Variants in CADPS observed in about 807,000 individuals in gnomAD.
The protein encoded by CADPS is calcium-dependent secretion activator 1.
In CADPS, 57 loss-of-function variants were observed where a neutral mutation model predicts 167.3. That is an observed-to-expected ratio of 0.34 (90% CI 0.28 to 0.42). CADPS has a LOEUF of 0.42. Ranked by LOEUF, CADPS falls within the 20% of genes least tolerant of loss-of-function variation. The pLI is 1.00. For missense variants in CADPS, 1,414 were observed against 1,738.1 expected, an observed-to-expected ratio of 0.81 and a Z score of 3.32; for synonymous variants, 676 against 635.3, an observed-to-expected ratio of 1.06 and a Z score of -0.96.
chr3:62,600,901 T>G (rs1253050905), intron 6 of CADPS, among the ~76,000 whole-genome samples: 1 of 152,166 alleles, frequency 6.6e-6, no homozygotes, highest in Non-Finnish European at 1.5e-5. Flanking sequence ...GGTGGATTGC[T>G]TGAGCTCAGG....
intron 3 of CADPS, among the ~76,000 whole-genome samples, chr3:62,671,824 G>A (rs529467003): frequency 5.0e-4 from 76 of 152,232 alleles, no homozygotes; most frequent in African/African-American, 1.6e-3. Flanking sequence ...TGCCAGTGGC[G>A]TGATCTCAGC....
Position 62,525,326 on chromosome 3 carries a change from G to A in CADPS, c.2292-7076C>T, listed in dbSNP as rs142929830. Among the ~76,000 whole-genome samples the A allele has an allele frequency of 2.5e-4, 38 of 152,110 alleles. No individual in the cohort carries two copies. The East Asian group carries it at 5.4e-3, about 22-fold the overall frequency. On this transcript the variant is annotated intron_variant, in intron 13 of 29. Transcript: ENST00000383710. ...GGACATCTGGGATGCCTACTTATAC[G>A]TAAAATTTGTTTGAAAATTTTTCCC...
At chr3:62,725,695 C>A (rs1338730772) in intron 3 of CADPS, among the ~76,000 whole-genome samples, 2 of 151,840 alleles carry the variant, frequency 1.3e-5, no homozygotes, top group Non-Finnish European at 2.9e-5. Context: ...TTAGTTCATA[C>A]TATATGGGAA....
chr3:62,617,718 T>A (rs2149412937), intron 6 of CADPS, among the ~76,000 whole-genome samples: 1 of 152,268 alleles, frequency 6.6e-6, no homozygotes, highest in African/African-American at 2.4e-5. Context: ...ATGGTGTCAG[T>A]TCTTTCCTTT....
chr3:62,850,645 GT>G (rs1388467503), intron 1 of CADPS, among the ~76,000 whole-genome samples: 5 of 150,424 alleles, frequency 3.3e-5, no homozygotes, highest in African/African-American at 1.2e-4. Flanking sequence ...GAGATAGTTT[GT>G]TATAATTTCT....
intron 3 of CADPS, among the ~76,000 whole-genome samples, chr3:62,680,078 C>T (rs1043237494): frequency 6.6e-6 from 1 of 151,826 alleles, no homozygotes; most frequent in Non-Finnish European, 1.5e-5. Context: ...AAGGGAGCAC[C>T]GTAATCAGGT....
chr3:62,421,997 A>G lies in CADPS; in HGVS notation c.3777+16107T>C, dbSNP rs894771666. ...AGCCTCCTTGCCTGGCTAAGCTTAC[A>G]AAGACTGTGCTAAATACATAATAGC... is the stretch of plus-strand genomic sequence containing the variant. On this transcript the variant is annotated intron_variant, in intron 28 of 29. Coordinates refer to ENST00000383710, the MANE Select transcript of CADPS (RefSeq NM_003716.4). The surrounding 1 kb of genome is among the most constrained non-coding windows in gnomAD (Gnocchi z 4.7). 3.9e-5 allele frequency among the ~76,000 whole-genome samples: 6 copies of G among 152,368 alleles called. No individual in the cohort carries two copies. Among genetic ancestry groups the G allele is most frequent in the African/African-American group, 1.4e-4 (6 of 41,582 alleles).
chr3:62,482,406 C>T (rs995769509), intron 21 of CADPS, among the ~76,000 whole-genome samples: 1 of 152,224 alleles, frequency 6.6e-6, no homozygotes, highest in Non-Finnish European at 1.5e-5. Flanking sequence ...AGAAACCAAG[C>T]TCTTTCTAAC....
At chr3:62,761,168 T>C (rs185823460) in intron 2 of CADPS, among the ~76,000 whole-genome samples, 55 of 152,286 alleles carry the variant, frequency 3.6e-4, no homozygotes, top group African/African-American at 1.3e-3. Context: ...AGCTGTTTCT[T>C]CTGATAACAA....
chr3:62,813,328 G>A (rs2094470259), intron 1 of CADPS, among the ~76,000 whole-genome samples: 1 of 152,020 alleles, frequency 6.6e-6, no homozygotes, highest in African/African-American at 2.4e-5. Flanking sequence ...ACAAGCATCT[G>A]ATCTTCAACA....
At chr3:62,631,534 T>C (rs904781369) in intron 6 of CADPS, among the ~76,000 whole-genome samples, 1 of 152,218 alleles carries the variant, frequency 6.6e-6, no homozygotes. Flanking sequence ...CCTGCACAAA[T>C]ATAACTAAGA....
intron 1 of CADPS, among the ~76,000 whole-genome samples, chr3:62,803,616 C>T (rs2093914121): frequency 6.6e-6 from 1 of 152,074 alleles, no homozygotes; most frequent in Non-Finnish European, 1.5e-5. Context: ...CTTGTGCCTC[C>T]ACTTTTCATC....
At chr3:62,698,125 G>A (rs1282201974) in intron 3 of CADPS, among the ~76,000 whole-genome samples, 1 of 151,964 alleles carries the variant, frequency 6.6e-6, no homozygotes, top group Non-Finnish European at 1.5e-5. Flanking sequence ...GGATGCTGTA[G>A]CATCACCCAC....
At chr3:62,537,561 T>C (rs2074929276) in intron 11 of CADPS, among the ~76,000 whole-genome samples, 2 of 152,152 alleles carry the variant, frequency 1.3e-5, no homozygotes, top group South Asian at 4.1e-4. Flanking sequence ...AGAAAAAGAA[T>C]CTTCTATCAA....
chr3:62,823,099 T>A (rs899161574), intron 1 of CADPS, among the ~76,000 whole-genome samples: 1 of 152,176 alleles, frequency 6.6e-6, no homozygotes. Flanking sequence ...TCCAAGAATA[T>A]CTATTATCTT....
At chr3:62,620,009 G>A (rs552829582) in intron 6 of CADPS, among the ~76,000 whole-genome samples, 2 of 152,096 alleles carry the variant, frequency 1.3e-5, no homozygotes, top group Admixed American at 1.3e-4. Context: ...ACTGCTCTGT[G>A]TGGTTGGAGC....
intron 3 of CADPS, among the ~76,000 whole-genome samples, chr3:62,728,494 C>T (rs2077160324): frequency 2.0e-5 from 3 of 151,786 alleles, no homozygotes; most frequent in South Asian, 4.1e-4. Flanking sequence ...TCTTCATTTC[C>T]TTAACTTTCC....
intron 23 of CADPS, among the ~76,000 whole-genome samples, chr3:62,477,854 A>G (rs1457428195): frequency 6.6e-6 from 1 of 152,216 alleles, no homozygotes; most frequent in East Asian, 1.9e-4. Context: ...TCTGCTAGCC[A>G]TACTGGATAC....
At chr3:62,702,369 A>C (rs1054852500) in intron 3 of CADPS, among the ~76,000 whole-genome samples, 3 of 152,146 alleles carry the variant, frequency 2.0e-5, no homozygotes, top group Non-Finnish European at 4.4e-5. Context: ...ACCAAGGCTT[A>C]AGCTGCCAGT....
Sources: gnomAD v4.1 joint callset for allele counts (sites outside exome capture counted in the v4.1 genomes callset) on GRCh38, gnomAD v4.1.1 for gene constraint, Gnocchi (gnomAD v3.1) non-coding constraint, MANE v1.5 for transcripts, NCBI Gene and HGNC (gene_info 2026-07-23, HGNC 2026-07-21) for gene names.